TMC7: variants seen among roughly 807,000 people sequenced by gnomAD.
The protein encoded by TMC7 is transmembrane channel like 7.
TMC7 carries 54 observed loss-of-function variants against 82.9 expected under a neutral mutation model. That is an observed-to-expected ratio of 0.65 (90% CI 0.52 to 0.82). The LOEUF (loss-of-function observed/expected upper bound fraction) is 0.82. TMC7 is among the 40% of genes least tolerant of loss of function. The pLI is 0.00. For synonymous variants in TMC7, 350 were observed against 337.9 expected (o/e 1.04, Z -0.39); for missense variants, 820 against 901.2 (o/e 0.91, Z 1.15).
intron 5 of TMC7, among the ~76,000 whole-genome samples, chr16:19,024,061 C>G (rs1173734069): frequency 6.6e-6 from 1 of 152,222 alleles, no homozygotes; most frequent in African/African-American, 2.4e-5. Flanking sequence ...TCCCCCACCA[C>G]CACCCCAACT....
intron 2 of TMC7, among the ~76,000 whole-genome samples, chr16:19,010,400 C>T (rs983590402): frequency 1.1e-4 from 17 of 152,110 alleles, no homozygotes; most frequent in South Asian, 6.2e-4. Context: ...GTGATCCGCC[C>T]GCCTTGGCCT....
At chr16:19,052,641 G>A (rs1330751492) in intron 13 of TMC7, among the ~76,000 whole-genome samples, 1 of 152,158 alleles carries the variant, frequency 6.6e-6, no homozygotes, top group Non-Finnish European at 1.5e-5. Context: ...GCAAGACCTT[G>A]TCTCAAATTA....
chr16:19,057,516 G>A (rs555298631), intron 14 of TMC7, among the ~76,000 whole-genome samples: 1 of 152,334 alleles, frequency 6.6e-6, no homozygotes, highest in Admixed American at 6.5e-5. Flanking sequence ...CCAAAGAAAT[G>A]TACCTGTAAA....
chr16:18,995,281 T>TA (rs2039024453), intron 1 of TMC7, among the ~76,000 whole-genome samples: 1 of 152,062 alleles, frequency 6.6e-6, no homozygotes, highest in Admixed American at 6.6e-5. Flanking sequence ...GTGGAGTGGG[T>TA]AGCCTCCGTA....
rs148785871 is a variant in TMC7 at position 19,009,293 on chromosome 16, C to T, written c.189C>T (p.Ser63=). 5.6e-5 allele frequency: 91 copies of T among 1,614,068 alleles called. No individual in the cohort carries two copies. The Middle Eastern group carries it at 8.2e-4, about 15-fold the overall frequency. ...CTGTCCATTCCCGGGACAAGCAAAG[C>T]GGAACTTTGCTAAAGCCAACCGACT... is the stretch of plus-strand genomic sequence containing the variant. ...RTTVHSRDKQ[S]GTLLKPTDSY... Residue 63 remains serine (S), a synonymous_variant, in exon 2 of 16, where the codon AGC becomes AGT. Transcript: ENST00000304381.
intron 1 of TMC7, among the ~76,000 whole-genome samples, chr16:18,986,732 C>T (rs2142105088): frequency 6.6e-6 from 1 of 152,248 alleles, no homozygotes; most frequent in Non-Finnish European, 1.5e-5. Flanking sequence ...CTTCCTATTC[C>T]TCCAGCATAC....
intron 11 of TMC7, 111 bp downstream of exon 11, chr16:19,045,549 G>A: frequency 1.3e-6 from 1 of 776,714 alleles, no homozygotes; most frequent in Non-Finnish European, 2.3e-6. Context: ...AGAAGCTGCT[G>A]GATGACTCTA....
At chr16:19,059,694 A>C in intron 15 of TMC7, 200 bp downstream of exon 15, 2 of 1,531,664 alleles carry the variant, frequency 1.3e-6, no homozygotes, top group Non-Finnish European at 1.7e-6. Flanking sequence ...ATGTGTATTA[A>C]GGGGGATGTG....
intron 2 of TMC7, among the ~76,000 whole-genome samples, chr16:19,014,375 C>G (rs1264813593): frequency 6.6e-6 from 1 of 152,134 alleles, no homozygotes; most frequent in Non-Finnish European, 1.5e-5. Flanking sequence ...CACTTGAGAA[C>G]CACTGATCTA....
chr16:18,989,294 C>G (rs1035015409), intron 1 of TMC7, among the ~76,000 whole-genome samples: 20 of 152,146 alleles, frequency 1.3e-4, no homozygotes, highest in African/African-American at 3.9e-4. Context: ...GATTCGTTCT[C>G]TGGTGACCCA....
intron 2 of TMC7, among the ~76,000 whole-genome samples, chr16:19,011,708 A>T (rs1049535702): frequency 6.6e-6 from 1 of 152,120 alleles, no homozygotes; most frequent in Non-Finnish European, 1.5e-5. Context: ...ACAGAGTAAG[A>T]CCCTGTCTCT....
At chr16:19,045,831 C>G (rs1286193016) in intron 11 of TMC7, among the ~76,000 whole-genome samples, 3 of 151,928 alleles carry the variant, frequency 2.0e-5, no homozygotes, top group Non-Finnish European at 4.4e-5. Flanking sequence ...ATCCTGACCT[C>G]GTGATCCACC....
intron 1 of TMC7, among the ~76,000 whole-genome samples, chr16:18,992,123 G>C (rs1174934346): frequency 6.6e-6 from 1 of 152,136 alleles, no homozygotes; most frequent in African/African-American, 2.4e-5. Flanking sequence ...GTAATGGGAT[G>C]GCTGGGTCAA....
intron 2 of TMC7, among the ~76,000 whole-genome samples, chr16:19,012,629 A>G (rs1402452672): frequency 6.6e-6 from 1 of 151,438 alleles, no homozygotes; most frequent in East Asian, 2.0e-4. Flanking sequence ...TCTCTACTAA[A>G]AATACAAAAA....
In TMC7 at chr16:19,021,813, G is replaced by C; in HGVS notation, c.628+17G>C. 1 of 1,611,750 alleles carries C rather than the reference G, an allele frequency of 6.2e-7. No homozygotes were observed. The highest frequency in any genetic ancestry group is 8.5e-7 in the Non-Finnish European group (1 of 1,178,816). ...AAGACATGGGTGAGTGTAAGGCCTGGTTTACTACGAAGTGTGTTTGTTTTT... is the reference window on the plus strand; with the variant it reads ...AAGACATGGGTGAGTGTAAGGCCTGCTTTACTACGAAGTGTGTTTGTTTTT... On this transcript the variant is annotated intron_variant, in intron 4 of 15. Coordinates refer to ENST00000304381, the MANE Select transcript of TMC7 (RefSeq NM_024847.4).
At chr16:19,049,572 G>A (rs1413256109) in intron 12 of TMC7, 17 of 952,494 alleles carry the variant, frequency 1.8e-5, no homozygotes, top group South Asian at 4.8e-5. Flanking sequence ...AGAGATGGAC[G>A]TGAGAAAGCT....
chr16:19,055,895 C>T (rs1961747570), intron 13 of TMC7, among the ~76,000 whole-genome samples: 2 of 152,066 alleles, frequency 1.3e-5, no homozygotes, highest in Admixed American at 1.3e-4. Flanking sequence ...ATCCCTGATT[C>T]TTTGAAGAGT....
chr16:19,013,739 G>A (rs1959513509), intron 2 of TMC7, among the ~76,000 whole-genome samples: 1 of 150,764 alleles, frequency 6.6e-6, no homozygotes, highest in Non-Finnish European at 1.5e-5. Context: ...GGCTCGTCTG[G>A]AATTCCTAGC....
chr16:19,023,247 A>G (rs76069674), intron 5 of TMC7, 52 bp downstream of exon 5: 15,034 of 1,270,526 alleles, frequency 0.012, 284 homozygotes, highest in African/African-American at 0.074. Context: ...CTAAAAATTG[A>G]TTGATTTAAA....
Sources: gnomAD v4.1 joint callset for allele counts (sites outside exome capture counted in the v4.1 genomes callset) on GRCh38, gnomAD v4.1.1 for gene constraint, MANE v1.5 for transcripts, NCBI Gene and HGNC (gene_info 2026-07-23, HGNC 2026-07-21) for gene names.